PRKCA: variants seen among roughly 807,000 people sequenced by gnomAD.
PRKCA encodes the protein protein kinase C alpha type.
PRKCA carries 27 observed loss-of-function variants against 87.0 expected under a neutral mutation model. The observed-to-expected ratio is 0.31, with a 90% CI of 0.23 to 0.43. The LOEUF is 0.43. Ranked by LOEUF, PRKCA falls within the 20% of genes least tolerant of loss-of-function variation. The pLI is 1.00. For synonymous variants in PRKCA, 329 were observed against 311.1 expected (o/e 1.06, Z -0.61); for missense variants, 518 against 852.3 (o/e 0.61, Z 4.88).
intron 2 of PRKCA, among the ~76,000 whole-genome samples, chr17:66,418,440 C>CTTTT (rs113526885): frequency 7.0e-6 from 1 of 142,244 alleles, no homozygotes. Flanking sequence ...TTGTTTTAGC[C>CTTTT]TTTTTTTTTT....
chr17:66,630,456 C>A (rs1196021079), intron 3 of PRKCA, among the ~76,000 whole-genome samples: 1 of 152,212 alleles, frequency 6.6e-6, no homozygotes. Flanking sequence ...CATCCCCAAC[C>A]TAGGGTCAGT....
At chr17:66,508,115 A>G (rs1376802382) in intron 3 of PRKCA, among the ~76,000 whole-genome samples, 2 of 152,226 alleles carry the variant, frequency 1.3e-5, no homozygotes, top group African/African-American at 4.8e-5. Flanking sequence ...GAAAACAGCA[A>G]GTGGGGAGCA....
chr17:66,650,982 G>A (rs1006489696), intron 5 of PRKCA, among the ~76,000 whole-genome samples: 3 of 152,170 alleles, frequency 2.0e-5, no homozygotes, highest in South Asian at 2.1e-4. Flanking sequence ...TGGTCTTTGG[G>A]GGAGAATTCA....
intron 5 of PRKCA, among the ~76,000 whole-genome samples, chr17:66,675,839 T>G (rs1972314116): frequency 6.6e-6 from 1 of 152,114 alleles, no homozygotes; most frequent in Non-Finnish European, 1.5e-5. Flanking sequence ...CAGTTCTGGT[T>G]CCTCCGCGGG....
chr17:66,735,778 A>T, intron 10 of PRKCA, 116 bp downstream of exon 10: 1 of 1,264,794 alleles, frequency 7.9e-7, no homozygotes, highest in Non-Finnish European at 1.1e-6. Flanking sequence ...GTGTGTTGTG[A>T]TGTCAAGCAG....
chr17:66,348,848 T>C (rs930136674), intron 2 of PRKCA, among the ~76,000 whole-genome samples: 1 of 152,204 alleles, frequency 6.6e-6, no homozygotes, highest in African/African-American at 2.4e-5. Flanking sequence ...GTTGTAAAAT[T>C]ACTCTCAGCT....
intron 2 of PRKCA, among the ~76,000 whole-genome samples, chr17:66,467,114 A>G (rs1915121300): frequency 6.6e-6 from 1 of 152,202 alleles, no homozygotes; most frequent in African/African-American, 2.4e-5. Context: ...TCCTCTGAGC[A>G]TCTTAGAGAG....
chr17:66,525,112 C>T (rs1967300659), intron 3 of PRKCA, among the ~76,000 whole-genome samples: 2 of 152,124 alleles, frequency 1.3e-5, no homozygotes, highest in South Asian at 4.1e-4. Flanking sequence ...TAAGAGACCT[C>T]ACATATCCCA....
intron 3 of PRKCA, among the ~76,000 whole-genome samples, chr17:66,574,431 A>T (rs1423868357): frequency 6.6e-6 from 1 of 152,162 alleles, no homozygotes; most frequent in Admixed American, 6.5e-5. Context: ...GAGTGTTTTT[A>T]TGAAGATTAC....
chr17:66,442,225 ATTTT>A (rs141847660), intron 2 of PRKCA, among the ~76,000 whole-genome samples: 1 of 143,638 alleles, frequency 7.0e-6, no homozygotes, highest in Non-Finnish European at 1.5e-5. Context: ...TGCCTGGCTG[ATTTT>A]TTTTTTTTTT....
intron 2 of PRKCA, among the ~76,000 whole-genome samples, chr17:66,320,037 A>G (rs1316549534): frequency 6.6e-6 from 1 of 151,898 alleles, no homozygotes; most frequent in African/African-American, 2.4e-5. Context: ...GAGCCACTCC[A>G]CCTGCCTCTT....
chr17:66,330,015 AG>A (rs1232559341), intron 2 of PRKCA, among the ~76,000 whole-genome samples: 1 of 151,808 alleles, frequency 6.6e-6, no homozygotes, highest in Non-Finnish European at 1.5e-5. Context: ...GTCCTCACTG[AG>A]CTGGTCTTAC....
At chr17:66,662,557 G>A (rs1294415751) in intron 5 of PRKCA, among the ~76,000 whole-genome samples, 1 of 152,058 alleles carries the variant, frequency 6.6e-6, no homozygotes, top group Admixed American at 6.6e-5. Context: ...TTTAGTTTTG[G>A]TGCATGTGGT....
intron 3 of PRKCA, among the ~76,000 whole-genome samples, chr17:66,641,103 A>G (rs1760091270): frequency 6.7e-6 from 1 of 150,256 alleles, no homozygotes; most frequent in African/African-American, 2.4e-5. Context: ...GGTTGCAGTG[A>G]GCTGAGATCG....
chr17:66,589,837 A>G (rs1447679368), intron 3 of PRKCA, among the ~76,000 whole-genome samples: 1 of 152,166 alleles, frequency 6.6e-6, no homozygotes, highest in African/African-American at 2.4e-5. Context: ...CAATTTTTCC[A>G]TGGACCCGGT....
chr17:66,770,050 G>C (rs1423918206), intron 13 of PRKCA, among the ~76,000 whole-genome samples: 1 of 152,114 alleles, frequency 6.6e-6, no homozygotes, highest in Non-Finnish European at 1.5e-5. Context: ...TTCCATTCTT[G>C]GGAATACTTT....
At chr17:66,465,638 G>T (rs941623704) in intron 2 of PRKCA, among the ~76,000 whole-genome samples, 26 of 151,768 alleles carry the variant, frequency 1.7e-4, no homozygotes, top group African/African-American at 6.3e-4. Context: ...AGCTTGAGCA[G>T]TCCTCCCACC....
chr17:66,359,355 C>T (rs558670194), intron 2 of PRKCA, among the ~76,000 whole-genome samples: 4 of 152,162 alleles, frequency 2.6e-5, no homozygotes, highest in South Asian at 2.1e-4. Context: ...AATCTGCTGC[C>T]GGTTTCTTAA....
At chr17:66,693,227 C>T (rs955631446) in intron 8 of PRKCA, among the ~76,000 whole-genome samples, 1 of 152,208 alleles carries the variant, frequency 6.6e-6, no homozygotes, top group African/African-American at 2.4e-5. Flanking sequence ...GGTAGAGATC[C>T]TGCTAGAGCA....
Sources: gnomAD v4.1 joint callset for allele counts (sites outside exome capture counted in the v4.1 genomes callset) on GRCh38, gnomAD v4.1.1 for gene constraint, MANE v1.5 for transcripts, NCBI Gene and HGNC (gene_info 2026-07-23, HGNC 2026-07-21) for gene names.